The following JAK2 variants were observed in gnomAD, a reference collection of about 807,000 sequenced individuals.
JAK2 encodes tyrosine-protein kinase JAK2.
In JAK2, 86 loss-of-function variants were observed where a neutral mutation model predicts 139.3. That is an observed-to-expected ratio of 0.62 (90% CI 0.52 to 0.74). The LOEUF (loss-of-function observed/expected upper bound fraction) is 0.74. JAK2 is among the 30% of genes least tolerant of loss of function. JAK2 has a pLI of 0.00. For synonymous variants in JAK2, 490 were observed against 437.7 expected (o/e 1.12, Z -1.49); for missense variants, 1,421 against 1,360.3 (o/e 1.04, Z -0.70).
At chr9:5,028,825 C>G (rs1822952080) in intron 3 of JAK2, among the ~76,000 whole-genome samples, 1 of 152,160 alleles carries the variant, frequency 6.6e-6, no homozygotes, top group South Asian at 2.1e-4. Context: ...GGTTTGAAGA[C>G]AATTAGGGCC....
At chr9:5,047,934 T>C (rs921782709) in intron 5 of JAK2, among the ~76,000 whole-genome samples, 3 of 152,128 alleles carry the variant, frequency 2.0e-5, no homozygotes, top group Admixed American at 2.0e-4. Flanking sequence ...TAAATGAAAT[T>C]TCTGAGGGTA....
intron 2 of JAK2, among the ~76,000 whole-genome samples, chr9:4,998,753 C>T (rs1380761999): frequency 6.7e-6 from 1 of 149,432 alleles, no homozygotes. Context: ...AAAAAAAAAA[C>T]AACAAAAAAC....
intron 12 of JAK2, among the ~76,000 whole-genome samples, chr9:5,071,575 T>G (rs1196681576): frequency 6.6e-6 from 1 of 152,150 alleles, no homozygotes; most frequent in Non-Finnish European, 1.5e-5. Context: ...AAGAGAGATG[T>G]AGTGAACCTC....
intron 4 of JAK2, among the ~76,000 whole-genome samples, chr9:5,037,168 C>T (rs1816108014): frequency 6.6e-6 from 1 of 152,146 alleles, no homozygotes; most frequent in Non-Finnish European, 1.5e-5. Context: ...TACCATCTCA[C>T]ACCAGTTAGA....
At chr9:5,021,847 T>A (rs1397200668) in intron 2 of JAK2, 116 bp from the exon 3 acceptor site, 1 of 614,592 alleles carries the variant, frequency 1.6e-6, no homozygotes, top group East Asian at 2.8e-5. Flanking sequence ...TGCTGAGGCT[T>A]GTCTCCAACT....
chr9:5,063,427 T>A (rs962548019), intron 8 of JAK2, among the ~76,000 whole-genome samples: 1 of 152,198 alleles, frequency 6.6e-6, no homozygotes, highest in Non-Finnish European at 1.5e-5. Context: ...GTTTTCTGGG[T>A]ACAGCTATTA....
Position 5,128,787 on chromosome 9 carries a change from G to A in JAK2, c.*1996G>A, listed in dbSNP as rs963365962. On this transcript the variant is annotated 3_prime_UTR_variant, in exon 25 of 25. Coordinates refer to ENST00000381652, the MANE Select transcript of JAK2 (RefSeq NM_004972.4). ...CTACACATAAAAATAAGATAACCCT[G>A]TAGTTATTAAGTTGGTTCTGTACAA... Among the ~76,000 whole-genome samples, 5 of 151,840 alleles carry A rather than the reference G, an allele frequency of 3.3e-5. No individual in the cohort carries two copies. Among genetic ancestry groups the A allele is most frequent in the Non-Finnish European group, 5.9e-5 (4 of 67,806 alleles).
At chr9:5,065,336 TTTA>T in intron 9 of JAK2, among the ~76,000 whole-genome samples, 1 of 152,224 alleles carries the variant, frequency 6.6e-6, no homozygotes. Flanking sequence ...CAATTTATGT[TTTA>T]TTAATTTTAA....
chr9:5,111,220 T>G, intron 22 of JAK2: 1 of 582,074 alleles, frequency 1.7e-6, no homozygotes, highest in Non-Finnish European at 3.2e-6. Context: ...CAAGAGCAGC[T>G]AGCGCGGGCC....
intron 5 of JAK2, among the ~76,000 whole-genome samples, chr9:5,048,524 AACTT>A (rs1252695315): frequency 6.6e-6 from 1 of 152,130 alleles, no homozygotes; most frequent in Non-Finnish European, 1.5e-5. Context: ...TAAACAGTAT[AACTT>A]ACTTGCCTGT....
chr9:5,050,694 T>C lies in JAK2; in HGVS notation c.477T>C (p.His159=), dbSNP rs1817355388. 1.2e-6 allele frequency: 2 copies of C among 1,611,674 alleles called. No individual in the cohort carries two copies. The highest frequency in any genetic ancestry group is 1.7e-6 in the Non-Finnish European group (2 of 1,179,344). Residue 159 remains histidine (H), a synonymous_variant, in exon 6 of 25, where the codon CAT becomes CAC. Transcript: ENST00000381652. ...VMSYLFAQWR[H]DFVHGWIKVP... is the part of the protein sequence containing the mutation. ...CAAATTTTTGGTTTTAGTGGCGGCA[T>C]GATTTTGTGCACGGATGGATAAAAG...
chr9:5,068,549 A>T (rs945673534), intron 10 of JAK2, among the ~76,000 whole-genome samples: 2 of 152,210 alleles, frequency 1.3e-5, no homozygotes, highest in African/African-American at 4.8e-5. Flanking sequence ...ATTCTTAGGT[A>T]GAAAGATAGC....
chr9:4,999,734 C>T (rs906315877), intron 2 of JAK2, among the ~76,000 whole-genome samples: 4 of 152,154 alleles, frequency 2.6e-5, no homozygotes, highest in African/African-American at 9.7e-5. Flanking sequence ...CAGGCGTGAG[C>T]CCCCGTGCCT....
In JAK2 at chr9:5,126,736, C is replaced by G. The variant is rs571063715; in HGVS notation, c.3344C>G (p.Ser1115Cys). 5.0e-6 allele frequency: 8 copies of G among 1,611,104 alleles called. No individual in the cohort carries two copies. The highest frequency in any genetic ancestry group is 5.9e-6 in the Non-Finnish European group (7 of 1,177,796). Residue 1115 changes from serine (S) to cysteine (C), a missense_variant, in exon 25 of 25, where the codon TCC becomes TGC. Transcript: ENST00000381652. ...CWNNNVNQRPSFRDLALRVDQ... is the reference protein window; with the variant it reads ...CWNNNVNQRPCFRDLALRVDQ... Reference sequence around the variant, plus strand: ...AACAATAATGTAAATCAACGCCCCTCCTTTAGGGATCTAGCTCTTCGAGTG... The same window carrying G: ...AACAATAATGTAAATCAACGCCCCTGCTTTAGGGATCTAGCTCTTCGAGTG...
Position 5,129,819 on chromosome 9 carries a change from T to C in JAK2, c.*3028T>C, listed in dbSNP as rs1279823613. Among the ~76,000 whole-genome samples, 1 of 152,174 alleles carries C rather than the reference T, an allele frequency of 6.6e-6. No homozygotes were observed. The highest frequency in any genetic ancestry group is 6.5e-5 in the Admixed American group (1 of 15,284). ...GTCAAATTCATGTATGTATATCATA[T>C]AGCCTTTAACTTTTTACATTAATCA... On this transcript the variant is annotated 3_prime_UTR_variant, in exon 25 of 25. Transcript: ENST00000381652.
rs368118179 is a variant in JAK2 at position 5,015,456 on chromosome 9, TA to T, written c.-25-6504del. Reference sequence around the variant, plus strand: ...AAATGGTACAGAAGTAATAGTGAGTTAAACGGCTGGCACCTTAGCACAAATC... The same window carrying T: ...AAATGGTACAGAAGTAATAGTGAGTTAACGGCTGGCACCTTAGCACAAATC... On this transcript the variant is annotated intron_variant, in intron 2 of 24. Transcript: ENST00000381652. 8.2e-3 allele frequency among the ~76,000 whole-genome samples: 1,253 copies of T among 152,334 alleles called. 13 individuals carry two copies. The highest frequency in any genetic ancestry group is 0.029 in the African/African-American group (1,195 of 41,586).
At chr9:5,041,092 G>C in intron 4 of JAK2, 2 of 718,128 alleles carry the variant, frequency 2.8e-6, no homozygotes, top group South Asian at 3.0e-5. Flanking sequence ...CTACAGCCTG[G>C]AGGACCTGTT....
intron 2 of JAK2, among the ~76,000 whole-genome samples, chr9:4,992,204 C>T (rs1437991030): frequency 6.6e-6 from 1 of 152,164 alleles, no homozygotes; most frequent in Non-Finnish European, 1.5e-5. Flanking sequence ...GGGATGTTAG[C>T]TGGGCTGTTA....
At chr9:5,087,789 A>C (rs1453935098) in intron 19 of JAK2, among the ~76,000 whole-genome samples, 2 of 152,220 alleles carry the variant, frequency 1.3e-5, no homozygotes, top group Non-Finnish European at 2.9e-5. Flanking sequence ...TATCTTTTGA[A>C]CAGCTAATTA....
Sources: allele counts gnomAD v4.1 joint callset (sites outside exome capture counted in the v4.1 genomes callset), GRCh38; gene constraint gnomAD v4.1.1; transcripts MANE v1.5; gene names NCBI Gene and HGNC (gene_info 2026-07-23, HGNC 2026-07-21).